The following TCTN2 variants were observed in gnomAD, a reference collection of about 807,000 sequenced individuals.
TCTN2 encodes the protein tectonic-2.
A neutral mutation model predicts 83.4 loss-of-function variants in TCTN2; 66 were observed. The ratio of observed to expected loss-of-function variants is 0.79; its 90% CI spans 0.65 to 0.97. TCTN2 has a LOEUF of 0.97. Among genes scored for constraint, TCTN2 ranks in the 50% least tolerant of loss-of-function variants. The pLI, the probability that TCTN2 is intolerant of heterozygous loss-of-function variation, is 0.00. For missense variants in TCTN2, 794 were observed against 858.1 expected (o/e 0.93, Z 0.93); for synonymous variants, 301 against 326.7 (o/e 0.92, Z 0.85).
chr12:123,672,591 T>A (rs1279640943), intron 3 of TCTN2, among the ~76,000 whole-genome samples: 1 of 149,236 alleles, frequency 6.7e-6, no homozygotes, highest in African/African-American at 2.5e-5. Flanking sequence ...AAAAAAAAAT[T>A]AGGTGGGTGG....
At chr12:123,681,707 G>C (rs1207136092) in intron 5 of TCTN2, among the ~76,000 whole-genome samples, 2 of 152,090 alleles carry the variant, frequency 1.3e-5, no homozygotes, top group African/African-American at 4.8e-5. Flanking sequence ...GTGAACATTT[G>C]TGGACAGGTT....
intron 14 of TCTN2, among the ~76,000 whole-genome samples, chr12:123,700,731 G>A (rs1469919231): frequency 2.6e-5 from 4 of 152,196 alleles, no homozygotes; most frequent in Non-Finnish European, 5.9e-5. Context: ...GTGCCAGGCC[G>A]AGGCCAGGAG....
chr12:123,692,555 A>G (rs541044761), intron 8 of TCTN2, 103 bp from the exon 9 acceptor site: 214 of 902,290 alleles, frequency 2.4e-4, no homozygotes, highest in Non-Finnish European at 3.0e-4. Flanking sequence ...CACCCTGGGC[A>G]GTTGCGGTCA....
chr12:123,680,035 A>G (rs1226620278), intron 5 of TCTN2, among the ~76,000 whole-genome samples: 2 of 151,498 alleles, frequency 1.3e-5, no homozygotes, highest in African/African-American at 2.4e-5. Flanking sequence ...CACCGCGCCC[A>G]GCCCAAATTG....
intron 4 of TCTN2, among the ~76,000 whole-genome samples, chr12:123,676,797 A>G (rs1955828542): frequency 6.6e-6 from 1 of 152,116 alleles, no homozygotes. Context: ...CCCAGTAACA[A>G]TGAAGCCAGC....
rs1419383540 is a variant in TCTN2 at position 123,692,726 on chromosome 12, A to T, written c.1099+3A>T. Reference sequence around the variant, plus strand: ...AGACAAATTCATCACCAATACAGGTATTTAATGTTACACTTTGACGTCATT... The same window carrying T: ...AGACAAATTCATCACCAATACAGGTTTTTAATGTTACACTTTGACGTCATT... On this transcript the variant is annotated splice_donor_region_variant and intron_variant, in intron 9 of 17. Coordinates refer to ENST00000303372, the MANE Select transcript of TCTN2 (RefSeq NM_024809.5). 6.2e-7 allele frequency: 1 copy of T among 1,609,544 alleles called. No individual in the cohort carries two copies. Among genetic ancestry groups the T allele is most frequent in the Non-Finnish European group, 8.5e-7 (1 of 1,175,922 alleles).
intron 5 of TCTN2, among the ~76,000 whole-genome samples, chr12:123,685,135 T>C (rs1237806058): frequency 6.6e-6 from 1 of 151,998 alleles, no homozygotes. Flanking sequence ...TTCTCTTCCT[T>C]CCAGGCCACG....
chr12:123,683,721 C>T (rs964233774), intron 5 of TCTN2, among the ~76,000 whole-genome samples: 1 of 152,194 alleles, frequency 6.6e-6, no homozygotes, highest in African/African-American at 2.4e-5. Context: ...TCACTGCAAC[C>T]TCCGTCTCCC....
Position 123,691,701 on chromosome 12 carries a change from T to C in TCTN2, c.1034-957T>C, listed in dbSNP as rs115385140. Among the ~76,000 whole-genome samples, 983 of 152,198 alleles carry C rather than the reference T, an allele frequency of 6.5e-3. 8 individuals are homozygous for C. Among genetic ancestry groups the C allele is most frequent in the African/African-American group, 0.022 (914 of 41,520 alleles). On this transcript the variant is annotated intron_variant, in intron 8 of 17. Transcript: ENST00000303372. ...TGACAGGTCATGCTAATATGACTTC[T>C]TGAGGACCCACCAAATTGTTTTTTT...
chr12:123,685,056 A>G (rs1220850688), intron 5 of TCTN2, among the ~76,000 whole-genome samples: 1 of 151,900 alleles, frequency 6.6e-6, no homozygotes, highest in Non-Finnish European at 1.5e-5. Context: ...TCTCAAAAAA[A>G]AAAAAAAAAG....
chr12:123,692,703 A>G lies in TCTN2; in HGVS notation c.1079A>G (p.Asp360Gly), dbSNP rs1246582785. 6 of 1,613,580 alleles carry G rather than the reference A, an allele frequency of 3.7e-6. No homozygotes were observed. Among genetic ancestry groups the G allele is most frequent in the Admixed American group, 1.7e-5 (1 of 60,022 alleles). The change falls in exon 9 of 18, where the codon GAC becomes GGC. Residue 360 changes from aspartate (D) to glycine (G), a missense_variant. Transcript: ENST00000303372. ...KVIYEEATDL[D>G]KFITNTETPL... ...ATCTATGAGGAAGCAACTGACCTAG[A>G]CAAATTCATCACCAATACAGGTATT...
chr12:123,692,662 A>G lies in TCTN2; in HGVS notation c.1038A>G (p.Ile346Met). The change falls in exon 9 of 18, where the codon ATA becomes ATG. Residue 346 changes from isoleucine to methionine, a missense_variant. Coordinates refer to ENST00000303372, the MANE Select transcript of TCTN2 (RefSeq NM_024809.5). ...AKIKNVALGG[I>M]VTPKVIYEEA... ...TAATTTATGTTATCTCTTTAGGCAT[A>G]GTTACACCAAAAGTGATCTATGAGG... 1 of 1,612,716 alleles carries G rather than the reference A, an allele frequency of 6.2e-7. No individual in the cohort carries two copies. Among genetic ancestry groups the G allele is most frequent in the Non-Finnish European group, 8.5e-7 (1 of 1,178,720 alleles).
chr12:123,695,096 A>G, intron 10 of TCTN2, 120 bp downstream of exon 10: 2 of 1,457,018 alleles, frequency 1.4e-6, no homozygotes, highest in Non-Finnish European at 1.9e-6. Flanking sequence ...ATGTGCATTT[A>G]TGATTTAATT....
chr12:123,701,554 C>G (rs1216707808), intron 14 of TCTN2, among the ~76,000 whole-genome samples: 2 of 151,130 alleles, frequency 1.3e-5, no homozygotes, highest in Non-Finnish European at 2.9e-5. Context: ...CTGCCTAACA[C>G]AGGTGAAACC....
At position 123,690,645 on chromosome 12, in the gene TCTN2, A is replaced by G. The variant is rs1482757872; in HGVS notation, c.1004A>G (p.Asn335Ser). ...ELYQERDGII[N>S]AKIKNVALGG... ...TACCAAGAACGAGATGGTATTATCA[A>G]TGCGAAGATAAAGAATGTTGCCTTA... Residue 335 changes from asparagine to serine, a missense_variant, in exon 8 of 18, where the codon AAT becomes AGT. By Grantham distance (46) the Asn-to-Ser change is conservative. Coordinates refer to ENST00000303372, the MANE Select transcript of TCTN2 (RefSeq NM_024809.5). 14 of 1,614,226 alleles carry G rather than the reference A, an allele frequency of 8.7e-6. No individual in the cohort carries two copies. Among genetic ancestry groups the G allele is most frequent in the Non-Finnish European group, 1.2e-5 (14 of 1,180,032 alleles).
intron 4 of TCTN2, among the ~76,000 whole-genome samples, chr12:123,675,086 C>T (rs1314432525): frequency 6.6e-6 from 1 of 152,022 alleles, no homozygotes; most frequent in African/African-American, 2.4e-5. Context: ...CTATGTTAGC[C>T]AGGCTGGTTT....
chr12:123,671,178 G>T lies in TCTN2; in HGVS notation c.-63G>T. 1 of 1,498,254 alleles carries T rather than the reference G, an allele frequency of 6.7e-7. No individual in the cohort carries two copies. The highest frequency in any genetic ancestry group is 1.2e-5 in the South Asian group (1 of 85,140). 92.8% of individuals were successfully genotyped at this position (1,498,254 alleles called of 1,614,324 possible). A position where few individuals can be genotyped will look rare whatever the true frequency, so the allele number is the denominator to read the frequency against. On this transcript the variant is annotated 5_prime_UTR_variant, in exon 1 of 18. It removes the in-frame stop codon of an upstream open reading frame in the 5' UTR. Coordinates refer to ENST00000303372, the MANE Select transcript of TCTN2 (RefSeq NM_024809.5). ...CAGTGGCTGCTGCGTTTTCGTGTCT[G>T]AGTCCTTCCTGGGTTCTAATGAGGG...
rs763294523 is a variant in TCTN2, at chr12:123,673,930, A to G, written c.463+120A>G. ...CTATAAATGAGCTGCCCGGGAGGTT[A>G]ATGCTACAAATGAGCTGTGATCGCG... is the stretch of plus-strand genomic sequence containing the variant. On this transcript the variant is annotated intron_variant, in intron 4 of 17. Coordinates refer to ENST00000303372, the MANE Select transcript of TCTN2 (RefSeq NM_024809.5). 6.8e-5 allele frequency: 60 copies of G among 883,290 alleles called. No individual in the cohort carries two copies. The Middle Eastern group carries it at 1.0e-3, about 15-fold the overall frequency. The allele number at this position is 883,290 out of a possible 1,614,324, so 54.7% of individuals were successfully genotyped here.
chr12:123,704,666 GAGATACTCGGTGT>G lies in TCTN2; in HGVS notation c.1751_1763del (p.Ile584ArgfsTer7). The G allele has an allele frequency of 1.2e-6, 2 of 1,613,440 alleles. No homozygotes were observed. The highest frequency in any genetic ancestry group is 1.7e-6 in the Non-Finnish European group (2 of 1,179,916). On this transcript the variant is annotated frameshift_variant, in exon 15 of 18. Transcript: ENST00000303372. LOFTEE classifies it high-confidence loss of function. ...CGCGGTGGAAGGGATTACTCAGCAG[GAGATACTCGGTGT>G]AGAGACAAGGTATGATCACATCTTG...
Sources: allele counts gnomAD v4.1 joint callset (sites outside exome capture counted in the v4.1 genomes callset), GRCh38; gene constraint gnomAD v4.1.1; transcripts MANE v1.5; gene names NCBI Gene and HGNC (gene_info 2026-07-23, HGNC 2026-07-21).